The following POLR2F variants were observed in gnomAD, a reference collection of about 807,000 sequenced individuals.
POLR2F encodes DNA-directed RNA polymerases I, II, and III subunit RPABC2.
Under a neutral mutation model 22.7 loss-of-function variants are expected in POLR2F, and 12 were observed. That is an observed-to-expected ratio of 0.53 (90% CI 0.34 to 0.86). The LOEUF is 0.86. Among genes scored for constraint, POLR2F ranks in the 40% least tolerant of loss-of-function variants. The pLI is 0.02. For missense variants in POLR2F, 126 were observed against 171.5 expected (o/e 0.73, Z 1.48); for synonymous variants, 57 against 66.0 (o/e 0.86, Z 0.66).
rs1461442262 is a variant in POLR2F at position 37,986,211 on chromosome 22, G to A, written c.21G>A (p.Thr7=). 3.9e-6 allele frequency: 6 copies of A among 1,542,282 alleles called. No individual in the cohort carries two copies. The highest frequency in any genetic ancestry group is 2.4e-5 in the East Asian group (1 of 40,948). ...AGCCGCCCTGGATGGACAGAGGGAC[G>A]AGGGACGAGCATCTGCCGTCGTGTC... The change falls in exon 1 of 3, where the codon ACG becomes ACA. Residue 7 remains threonine (T), a synonymous_variant. Transcript: ENST00000333418. The surrounding 1 kb of genome is among the most constrained non-coding windows in gnomAD (Gnocchi z 4.7).
rs1260208414 is a variant in POLR2F, at chr22:38,016,013, G to A, written c.121-9856G>A. 3.9e-5 allele frequency among the ~76,000 whole-genome samples: 6 copies of A among 152,002 alleles called. No individual in the cohort carries two copies. Among genetic ancestry groups the A allele is most frequent in the Non-Finnish European group, 8.8e-5 (6 of 68,000 alleles). On this transcript the variant is annotated intron_variant, in intron 1 of 2. Coordinates refer to the POLR2F transcript ENST00000333418. The surrounding 1 kb of genome is among the most constrained non-coding windows in gnomAD (Gnocchi z 4.4). ...TCCACCCCTCCTGGAACTCTCCCCC[G>A]ATGGTCTTCCCTACTCTCTAGCCCA...
intron 1 of POLR2F, among the ~76,000 whole-genome samples, chr22:38,009,210 T>C (rs564205644): frequency 5.3e-5 from 8 of 152,148 alleles, no homozygotes; most frequent in Non-Finnish European, 1.0e-4. Flanking sequence ...ATGGTCCCTG[T>C]GGCGACATGG....
chr22:38,020,137 C>G (rs1020688721), intron 1 of POLR2F, among the ~76,000 whole-genome samples: 1 of 151,476 alleles, frequency 6.6e-6, no homozygotes, highest in African/African-American at 2.4e-5. Context: ...TTGCTTGAGT[C>G]CAGGAGTTCG....
intron 3 of POLR2F, among the ~76,000 whole-genome samples, chr22:37,964,192 A>G (rs1931762525): frequency 1.3e-5 from 2 of 152,002 alleles, no homozygotes; most frequent in Non-Finnish European, 2.9e-5. Context: ...GGTACCCACA[A>G]CCCAAGGCAG....
Position 37,978,009 on chromosome 22 carries a change from C to T in POLR2F, c.293+10839C>T. Reference sequence around the variant, plus strand: ...CCCCACCGGGGCACTCCGCCTCGCCCTGGGCGGCCTTCCCGTTCTTCCGCC... The same window carrying T: ...CCCCACCGGGGCACTCCGCCTCGCCTTGGGCGGCCTTCCCGTTCTTCCGCC... On this transcript the variant is annotated intron_variant, in intron 4 of 4. Coordinates refer to the POLR2F transcript ENST00000405557. The surrounding 1 kb of genome is among the most constrained non-coding windows in gnomAD (Gnocchi z 5.0). 6.2e-7 allele frequency: 1 copy of T among 1,611,818 alleles called. No individual in the cohort carries two copies. The highest frequency in any genetic ancestry group is 2.2e-5 in the East Asian group (1 of 44,870).
intron 1 of POLR2F, among the ~76,000 whole-genome samples, chr22:38,022,864 A>G (rs2084972620): frequency 6.6e-6 from 1 of 151,898 alleles, no homozygotes; most frequent in Admixed American, 6.6e-5. Flanking sequence ...AATACAAGAA[A>G]TTAGCCGGGC....
rs190682367 is a variant in POLR2F at position 38,039,463 on chromosome 22, G to C, written c.453-1605G>C. ...ACAGAGAGGCTCCACAGCCAGGACT[G>C]GGCGCTCATCCAGTTGACTCCAGGG... On this transcript the variant is annotated intron_variant, in intron 5 of 5. Coordinates refer to the POLR2F transcript ENST00000407936. 5.8e-3 allele frequency among the ~76,000 whole-genome samples: 888 copies of C among 152,276 alleles called. 6 individuals carry two copies. Among genetic ancestry groups the C allele is most frequent in the African/African-American group, 0.021 (857 of 41,548 alleles).
Position 37,986,571 on chromosome 22 carries a change from T to C in POLR2F, c.120+259T>C. ...GGGGTAGCAGTGGGCACGCTCTGTCTGCAGGAAGCCACGCTAGACAGAAGG... is the reference window on the plus strand; with the variant it reads ...GGGGTAGCAGTGGGCACGCTCTGTCCGCAGGAAGCCACGCTAGACAGAAGG... On this transcript the variant is annotated intron_variant, in intron 1 of 2. Coordinates refer to the POLR2F transcript ENST00000333418. The surrounding 1 kb of genome is among the most constrained non-coding windows in gnomAD (Gnocchi z 4.7). 1.3e-6 allele frequency: 1 copy of C among 786,006 alleles called. No homozygotes were observed. The highest frequency in any genetic ancestry group is 2.2e-6 in the Non-Finnish European group (1 of 463,700). 48.7% of individuals were successfully genotyped at this position (786,006 alleles called of 1,614,324 possible).
Position 37,980,058 on chromosome 22 carries a change from G to C in POLR2F, c.293+12888G>C, listed in dbSNP as rs1217920271. Among the ~76,000 whole-genome samples the C allele has an allele frequency of 6.6e-6, 1 of 152,042 alleles. No individual in the cohort carries two copies. Among genetic ancestry groups the C allele is most frequent in the Non-Finnish European group, 1.5e-5 (1 of 67,988 alleles). On this transcript the variant is annotated intron_variant, in intron 4 of 4. Coordinates refer to the POLR2F transcript ENST00000405557. The surrounding 1 kb of genome is among the most constrained non-coding windows in gnomAD (Gnocchi z 4.1). ...CCTCCCTGTCTACTCCCCCCACCCC[G>C]GCCCTGAGCCCAGCCCTAGCCCCAG...
intron 1 of POLR2F, among the ~76,000 whole-genome samples, chr22:38,022,942 C>T (rs1225861427): frequency 6.6e-6 from 1 of 152,116 alleles, no homozygotes; most frequent in Non-Finnish European, 1.5e-5. Context: ...ACCCAGGGTG[C>T]GGAGGTTGCA....
chr22:37,968,207 T>G lies in POLR2F; in HGVS notation c.*492T>G. On this transcript the variant is annotated 3_prime_UTR_variant, in exon 5 of 5. Transcript: ENST00000442738. ...CTCTTATCGTGGGCTCGGATCCCCTTTCAGGAGCAGTGCCCCAGCAGGAAG... is the reference window on the plus strand; with the variant it reads ...CTCTTATCGTGGGCTCGGATCCCCTGTCAGGAGCAGTGCCCCAGCAGGAAG... The G allele has an allele frequency of 1.0e-6, 1 of 985,482 alleles. No individual in the cohort carries two copies. The highest frequency in any genetic ancestry group is 1.2e-6 in the Non-Finnish European group (1 of 829,986). 61.0% of individuals were successfully genotyped at this position (985,482 alleles called of 1,614,324 possible). A position where few individuals can be genotyped will look rare whatever the true frequency, so the allele number is the denominator to read the frequency against.
At chr22:37,983,808 C>G (rs1396580301), upstream of POLR2F, 1 of 1,406,776 alleles carries the variant, frequency 7.1e-7, no homozygotes, top group African/African-American at 1.5e-5. The surrounding 1 kb of genome is among the most constrained non-coding windows in gnomAD (Gnocchi z 9.5). Context: ...GCCGCCGCCG[C>G]CGCCTCGGCC....
chr22:38,018,808 C>T (rs1382163548), intron 1 of POLR2F, among the ~76,000 whole-genome samples: 2 of 152,082 alleles, frequency 1.3e-5, no homozygotes, highest in South Asian at 2.1e-4. Context: ...AGGAGGGTGT[C>T]CTCTCTCCAG....
At chr22:37,955,977 A>C (rs1054647545) in intron 1 of POLR2F, among the ~76,000 whole-genome samples, 1 of 151,634 alleles carries the variant, frequency 6.6e-6, no homozygotes, top group African/African-American at 2.4e-5. Context: ...GAGCCACTGC[A>C]CTCAGCTGAT....
chr22:38,020,518 C>T (rs1464208358), intron 1 of POLR2F, among the ~76,000 whole-genome samples: 1 of 151,008 alleles, frequency 6.6e-6, no homozygotes, highest in Admixed American at 6.6e-5. Flanking sequence ...GTCCTGCCGG[C>T]CTCGGCCTCC....
intron 1 of POLR2F, among the ~76,000 whole-genome samples, chr22:38,024,804 G>A (rs1228044915): frequency 6.6e-6 from 1 of 152,070 alleles, no homozygotes; most frequent in Non-Finnish European, 1.5e-5. Context: ...GTGGCTCAGA[G>A]ACTCTGCCTG....
chr22:37,963,175 C>A (rs901488740), intron 3 of POLR2F, among the ~76,000 whole-genome samples: 5 of 151,774 alleles, frequency 3.3e-5, no homozygotes, highest in East Asian at 3.9e-4. Flanking sequence ...TTAGTAGGGA[C>A]GGGGTTTCAC....
At chr22:38,026,243 C>T (rs749993687) in intron 2 of POLR2F, 4 of 533,210 alleles carry the variant, frequency 7.5e-6, no homozygotes, top group South Asian at 2.8e-5. Context: ...GAGCAGAACA[C>T]TCAATTTCCC....
intron 1 of POLR2F, among the ~76,000 whole-genome samples, chr22:38,007,048 G>A (rs1263287705): frequency 2.0e-5 from 3 of 152,212 alleles, no homozygotes; most frequent in Non-Finnish European, 4.4e-5. Context: ...AGGGAATTGA[G>A]CTGAGAGGCC....
Sources: allele counts gnomAD v4.1 joint callset (sites outside exome capture counted in the v4.1 genomes callset), GRCh38; gene constraint gnomAD v4.1.1; non-coding constraint Gnocchi (gnomAD v3.1); transcripts MANE v1.5; gene names NCBI Gene and HGNC (gene_info 2026-07-23, HGNC 2026-07-21).